COL11A1: variants seen among roughly 807,000 people sequenced by gnomAD.
COL11A1 encodes the protein collagen type XI alpha 1 chain.
COL11A1 carries 74 observed loss-of-function variants against 265.2 expected under a neutral mutation model. The ratio of observed to expected loss-of-function variants is 0.28; its 90% CI spans 0.23 to 0.34. The LOEUF is 0.34. Among genes scored for constraint, COL11A1 ranks in the 10% least tolerant of loss-of-function variants. COL11A1 has a pLI of 1.00. For synonymous variants in COL11A1, 816 were observed against 727.6 expected, an observed-to-expected ratio of 1.12 and a Z score of -1.96; for missense variants, 2,165 against 2,263.6, an observed-to-expected ratio of 0.96 and a Z score of 0.88.
At chr1:102,936,160 T>C (rs1658120486) in intron 44 of COL11A1, among the ~76,000 whole-genome samples, 1 of 152,170 alleles carries the variant, frequency 6.6e-6, no homozygotes, top group South Asian at 2.1e-4. Flanking sequence ...CTTGAATATG[T>C]GTCTTTTCAT....
intron 49 of COL11A1, among the ~76,000 whole-genome samples, chr1:102,916,887 T>G (rs966774410): frequency 1.3e-5 from 2 of 151,916 alleles, no homozygotes; most frequent in Non-Finnish European, 2.9e-5. Flanking sequence ...TAGAATGTAA[T>G]GATGTTAGTG....
intron 1 of COL11A1, among the ~76,000 whole-genome samples, chr1:103,101,651 C>T (rs1674281497): frequency 6.6e-6 from 1 of 151,452 alleles, no homozygotes; most frequent in African/African-American, 2.4e-5. Context: ...CACTCAAGTT[C>T]TATGAATAGG....
chr1:102,955,722 G>T (rs1660309583), intron 41 of COL11A1, among the ~76,000 whole-genome samples: 1 of 152,054 alleles, frequency 6.6e-6, no homozygotes, highest in African/African-American at 2.4e-5. Flanking sequence ...TGCAGTAGGT[G>T]AAATCTGAGA....
At chr1:103,014,231 C>T (rs1666367679) in intron 13 of COL11A1, among the ~76,000 whole-genome samples, 1 of 151,624 alleles carries the variant, frequency 6.6e-6, no homozygotes, top group Non-Finnish European at 1.5e-5. Flanking sequence ...TATCAATACT[C>T]TTGGGAAAAA....
At chr1:103,082,561 G>A (rs1457462758) in intron 2 of COL11A1, among the ~76,000 whole-genome samples, 1 of 152,052 alleles carries the variant, frequency 6.6e-6, no homozygotes, top group Non-Finnish European at 1.5e-5. Context: ...TCACAGAAAT[G>A]TGATTGTGTT....
chr1:103,059,965 G>T (rs1258077602), intron 4 of COL11A1, among the ~76,000 whole-genome samples: 1 of 152,054 alleles, frequency 6.6e-6, no homozygotes, highest in Non-Finnish European at 1.5e-5. Context: ...AAGCAATAGT[G>T]ACTGAGAATT....
intron 4 of COL11A1, among the ~76,000 whole-genome samples, chr1:103,042,982 T>C (rs1668935344): frequency 6.8e-6 from 1 of 146,366 alleles, no homozygotes; most frequent in South Asian, 2.1e-4. Context: ...ATGTGAAATA[T>C]ATATGATATA....
intron 18 of COL11A1, 105 bp downstream of exon 18, chr1:103,005,733 A>G (rs1415867956): frequency 7.4e-7 from 1 of 1,354,510 alleles, no homozygotes; most frequent in Non-Finnish European, 1.0e-6. Flanking sequence ...GTGGATTCAC[A>G]AACGTTAAAA....
Position 102,890,593 on chromosome 1 carries a change from T to C in COL11A1, c.4303-89A>G, listed in dbSNP as rs1651644185. The stretch of plus-strand genomic sequence containing the variant: ...ATAACTAGTCACAGACCTAGTTTAG[T>C]TTTGAAAATACGGAGTTGAAAATAG... On this transcript the variant is annotated intron_variant, in intron 57 of 66. Coordinates refer to ENST00000370096, the MANE Select transcript of COL11A1 (RefSeq NM_001854.4). The C allele has an allele frequency of 5.4e-6, 6 of 1,108,158 alleles. No homozygotes were observed. In the Admixed American group the frequency reaches 1.7e-4, roughly 31 times the overall value. The allele number at this position is 1,108,158 out of a possible 1,614,324, so 68.6% of individuals were successfully genotyped here. A position where few individuals can be genotyped will look rare whatever the true frequency, so the allele number is the denominator to read the frequency against.
chr1:102,951,114 G>T (rs1442416545), intron 41 of COL11A1, among the ~76,000 whole-genome samples: 1 of 152,050 alleles, frequency 6.6e-6, no homozygotes, highest in East Asian at 1.9e-4. Context: ...CTTTATAGCA[G>T]CACGAAAATG....
intron 41 of COL11A1, among the ~76,000 whole-genome samples, chr1:102,948,788 A>T (rs1280742584): frequency 6.6e-6 from 1 of 151,944 alleles, no homozygotes; most frequent in Non-Finnish European, 1.5e-5. Context: ...TGAATAAAAT[A>T]GTCAACCACA....
intron 4 of COL11A1, among the ~76,000 whole-genome samples, chr1:103,062,011 C>T (rs1670714503): frequency 6.6e-6 from 1 of 151,834 alleles, no homozygotes; most frequent in African/African-American, 2.4e-5. Flanking sequence ...GATATCACCA[C>T]AGATCCCATG....
chr1:103,039,458 G>A (rs575751652), intron 4 of COL11A1, among the ~76,000 whole-genome samples: 10 of 152,172 alleles, frequency 6.6e-5, no homozygotes, highest in African/African-American at 2.4e-4. Context: ...GTTAAACGAA[G>A]CCACTAGTAT....
chr1:103,035,986 G>A (rs900999605), intron 4 of COL11A1, among the ~76,000 whole-genome samples: 1 of 151,514 alleles, frequency 6.6e-6, no homozygotes, highest in Non-Finnish European at 1.5e-5. Flanking sequence ...TACCTGAATT[G>A]TTATAAATGA....
rs1374797815 is a variant in COL11A1 at position 102,921,548 on chromosome 1, T to G, written c.3678A>C (p.Pro1226=). Residue 1226 remains proline, a synonymous_variant, in exon 48 of 67, where the codon CCA becomes CCC. Transcript: ENST00000370096. ...CTCCATTGGGACCTTGAGGGCCTCT[T>G]GGGCCTGGAGGACCAGGTGGCCCCT... ...GPMGPPGPPG[P]RGPQGPNGAD... The G allele has an allele frequency of 1.9e-6, 3 of 1,613,448 alleles. No homozygotes were observed. The highest frequency in any genetic ancestry group is 1.7e-6 in the Non-Finnish European group (2 of 1,179,600).
chr1:103,104,021 T>C (rs1289216380), intron 1 of COL11A1, among the ~76,000 whole-genome samples: 1 of 152,066 alleles, frequency 6.6e-6, no homozygotes, highest in African/African-American at 2.4e-5. Context: ...TGAGGAAGAG[T>C]ATTCAGCTGA....
chr1:102,886,632 A>G (rs1184779747), intron 63 of COL11A1, among the ~76,000 whole-genome samples, 175 bp downstream of exon 63: 1 of 152,210 alleles, frequency 6.6e-6, no homozygotes, highest in African/African-American at 2.4e-5. Context: ...GATTTTCCAA[A>G]GCAAATCTTG....
chr1:102,928,133 G>A (rs1039784789), intron 46 of COL11A1, among the ~76,000 whole-genome samples: 5 of 151,760 alleles, frequency 3.3e-5, no homozygotes, highest in African/African-American at 4.8e-5. Flanking sequence ...AAGTTTTAGG[G>A]TACATGTGCA....
intron 38 of COL11A1, among the ~76,000 whole-genome samples, 170 bp from the exon 39 acceptor site, chr1:102,962,930 G>A (rs1661061025): frequency 6.6e-6 from 1 of 152,122 alleles, no homozygotes; most frequent in Non-Finnish European, 1.5e-5. Context: ...TATCAAGTAA[G>A]AGTCTAAAAA....
Sources: gnomAD v4.1 joint callset for allele counts (sites outside exome capture counted in the v4.1 genomes callset) on GRCh38, gnomAD v4.1.1 for gene constraint, MANE v1.5 for transcripts, NCBI Gene and HGNC (gene_info 2026-07-23, HGNC 2026-07-21) for gene names.